TMEM132B: variants seen among roughly 807,000 people sequenced by gnomAD.
The protein encoded by TMEM132B is transmembrane protein 132B.
Under a neutral mutation model 90.8 loss-of-function variants are expected in TMEM132B, and 18 were observed. The ratio of observed to expected loss-of-function variants is 0.20; its 90% confidence interval spans 0.14 to 0.29. TMEM132B has a LOEUF of 0.29. TMEM132B is among the 10% of genes least tolerant of loss of function. The pLI is 1.00. For synonymous variants in TMEM132B, 504 were observed against 523.3 expected (o/e 0.96, Z 0.50); for missense variants, 1,096 against 1,326.8 (o/e 0.83, Z 2.70).
At chr12:125,300,351 A>G (rs944088441) in intron 1 of TMEM132B, among the ~76,000 whole-genome samples, 1 of 151,874 alleles carries the variant, frequency 6.6e-6, no homozygotes, top group African/African-American at 2.4e-5. Flanking sequence ...TGTTCTTTAT[A>G]TCCCTTGTTA....
Position 125,660,608 on chromosome 12 carries a change from C to T in TMEM132B, c.*5898C>T, listed in dbSNP as rs764427806. 1.3e-5 allele frequency: 2 copies of T among 152,094 alleles called. No homozygotes were observed. The highest frequency in any genetic ancestry group is 2.9e-5 in the Non-Finnish European group (2 of 68,010). The allele number at this position is 152,094 out of a possible 1,614,324, so 9.4% of individuals were successfully genotyped here. A position where few individuals can be genotyped will look rare whatever the true frequency, so the allele number is the denominator to read the frequency against. On this transcript the variant is annotated 3_prime_UTR_variant, in exon 9 of 9. Coordinates refer to ENST00000682704, the MANE Select transcript of TMEM132B (RefSeq NM_001366854.1). ...TGGGTTACTGTGTTTATAGACTATT[C>T]TATGACTCAAGACAACTAGGACACC...
intron 1 of TMEM132B, among the ~76,000 whole-genome samples, chr12:125,237,648 C>T (rs935194395): frequency 5.9e-5 from 9 of 152,196 alleles, no homozygotes; most frequent in African/African-American, 1.7e-4. Context: ...GGGGTTTCAC[C>T]GTGTTGGCTA....
chr12:125,626,538 T>G (rs1162741030), intron 5 of TMEM132B, among the ~76,000 whole-genome samples: 1 of 152,124 alleles, frequency 6.6e-6, no homozygotes, highest in East Asian at 1.9e-4. Flanking sequence ...TATTTCACCT[T>G]CATTTTTGAT....
chr12:125,655,028 C>T lies in TMEM132B; in HGVS notation c.*318C>T. On this transcript the variant is annotated 3_prime_UTR_variant, in exon 9 of 9. Transcript: ENST00000682704. ...TTGTTAGTCATCTCGTGACAAATGGCCATGTGGAATTAGAAAAGATTTGGG... is the reference window on the plus strand; with the variant it reads ...TTGTTAGTCATCTCGTGACAAATGGTCATGTGGAATTAGAAAAGATTTGGG... 4.0e-6 allele frequency: 1 copy of T among 247,740 alleles called. No homozygotes were observed. Among genetic ancestry groups the T allele is most frequent in the Non-Finnish European group, 7.8e-6 (1 of 128,818 alleles). 15.3% of individuals were successfully genotyped at this position (247,740 alleles called of 1,614,324 possible). A position where few individuals can be genotyped will look rare whatever the true frequency, so the allele number is the denominator to read the frequency against.
At position 125,246,914 on chromosome 12, in the gene TMEM132B, G is replaced by C. The variant is rs78923007; in HGVS notation, c.67+60048G>C. 8.7e-3 allele frequency among the ~76,000 whole-genome samples: 1,319 copies of C among 152,158 alleles called. 23 individuals carry two copies. Among genetic ancestry groups the C allele is most frequent in the African/African-American group, 0.03 (1,239 of 41,494 alleles). On this transcript the variant is annotated intron_variant, in intron 1 of 8. Transcript: ENST00000682704. This position sits in a 1 kb window ranked among gnomAD's most constrained non-coding sequence, Gnocchi z 4.2. ...CCCACCGGGAGAGCCTGGGGTTTGT[G>C]GGGGAGGTGGTGGGGGTAGGGGCAC...
At chr12:125,372,968 A>G (rs764105090) in intron 2 of TMEM132B, among the ~76,000 whole-genome samples, 1 of 152,152 alleles carries the variant, frequency 6.6e-6, no homozygotes, top group Non-Finnish European at 1.5e-5. Context: ...CTTGCCATTC[A>G]TGGCTTACCT....
chr12:125,439,996 C>A (rs1253965981), intron 3 of TMEM132B, among the ~76,000 whole-genome samples: 1 of 152,128 alleles, frequency 6.6e-6, no homozygotes, highest in South Asian at 2.1e-4. Flanking sequence ...GTTGAACCAA[C>A]CTTGCATCCT....
In TMEM132B at chr12:125,406,601, G is replaced by A. The variant is rs1879489204; in HGVS notation, c.960-8930G>A. Reference sequence around the variant, plus strand: ...TCTTTAAACGTCGGAGGACTGGGTGGATGATATGGGGTATAAAAATATTTC... The same window carrying A: ...TCTTTAAACGTCGGAGGACTGGGTGAATGATATGGGGTATAAAAATATTTC... On this transcript the variant is annotated intron_variant, in intron 2 of 8. Transcript: ENST00000682704. The surrounding 1 kb of genome is among the most constrained non-coding windows in gnomAD (Gnocchi z 8.3). Among the ~76,000 whole-genome samples the A allele has an allele frequency of 6.6e-6, 1 of 152,164 alleles. No individual in the cohort carries two copies. Among genetic ancestry groups the A allele is most frequent in the Admixed American group, 6.5e-5 (1 of 15,282 alleles).
intron 2 of TMEM132B, among the ~76,000 whole-genome samples, chr12:125,361,544 G>C (rs573888981): frequency 6.6e-6 from 1 of 152,306 alleles, no homozygotes; most frequent in South Asian, 2.1e-4. Context: ...CTTGAGGAAA[G>C]TGTGCAGAGA....
At chr12:125,262,914 G>T (rs1358703560) in intron 1 of TMEM132B, among the ~76,000 whole-genome samples, 2 of 152,208 alleles carry the variant, frequency 1.3e-5, no homozygotes, top group East Asian at 3.9e-4. Context: ...GACTATTGGG[G>T]AGCACCTTGC....
At chr12:125,507,537 C>T (rs1464013811) in intron 3 of TMEM132B, among the ~76,000 whole-genome samples, 1 of 151,968 alleles carries the variant, frequency 6.6e-6, no homozygotes, top group Non-Finnish European at 1.5e-5. Context: ...GTCCTGAAGG[C>T]GAGGCCAAGG....
At chr12:125,306,304 GCCTC>G (rs1266050356) in intron 1 of TMEM132B, among the ~76,000 whole-genome samples, 2 of 152,216 alleles carry the variant, frequency 1.3e-5, no homozygotes, top group Non-Finnish European at 2.9e-5. Flanking sequence ...AGCTCTTGGA[GCCTC>G]AGGTTTTAGC....
Position 125,492,275 on chromosome 12 carries a change from G to A in TMEM132B, c.1107-27164G>A, listed in dbSNP as rs111856726. Among the ~76,000 whole-genome samples, 390 of 152,294 alleles carry A rather than the reference G, an allele frequency of 2.6e-3. 1 individual carries two copies. Among genetic ancestry groups the A allele is most frequent in the African/African-American group, 8.8e-3 (366 of 41,550 alleles). On this transcript the variant is annotated intron_variant, in intron 3 of 8. Transcript: ENST00000682704. The surrounding 1 kb of genome is among the most constrained non-coding windows in gnomAD (Gnocchi z 5.8). ...CTGCCGTGGCAGCTCAGCCTTCCTC[G>A]TCTGTCTCTTGAAGTGACTGCTGCT... is the stretch of plus-strand genomic sequence containing the variant.
chr12:125,505,188 A>AG (rs1258979477), intron 3 of TMEM132B, among the ~76,000 whole-genome samples: 1 of 146,846 alleles, frequency 6.8e-6, no homozygotes, highest in Non-Finnish European at 1.5e-5. Flanking sequence ...AAAAAAAAAA[A>AG]AAAAAAACAG....
At chr12:125,286,802 T>C (rs7304045) in intron 1 of TMEM132B, among the ~76,000 whole-genome samples, 20,699 of 151,758 alleles carry the variant, frequency 0.14, 1,555 homozygotes, top group African/African-American at 0.2. Context: ...CTCCTGGGTT[T>C]AAGTGCTTCT....
chr12:125,538,229 T>C (rs1303648462), intron 4 of TMEM132B, among the ~76,000 whole-genome samples: 1 of 152,204 alleles, frequency 6.6e-6, no homozygotes, highest in Non-Finnish European at 1.5e-5. Flanking sequence ...TGGAGAGAGT[T>C]TATTTATGAT....
At chr12:125,378,291 G>T (rs750859181) in intron 2 of TMEM132B, among the ~76,000 whole-genome samples, 1 of 152,200 alleles carries the variant, frequency 6.6e-6, no homozygotes, top group Non-Finnish European at 1.5e-5. Flanking sequence ...CAGGAAGACT[G>T]GTTCAGATCC....
At chr12:125,215,187 G>A (rs1287220297) in intron 1 of TMEM132B, among the ~76,000 whole-genome samples, 3 of 152,170 alleles carry the variant, frequency 2.0e-5, no homozygotes, top group African/African-American at 7.2e-5. Flanking sequence ...TCTTTTTCCT[G>A]CCAGGATTTC....
chr12:125,404,100 A>T, intron 2 of TMEM132B, among the ~76,000 whole-genome samples: 1 of 152,278 alleles, frequency 6.6e-6, no homozygotes, highest in Non-Finnish European at 1.5e-5. Flanking sequence ...ATGGAACTGG[A>T]GGTAACATTT....
Sources: allele counts gnomAD v4.1 joint callset (sites outside exome capture counted in the v4.1 genomes callset), GRCh38; gene constraint gnomAD v4.1.1; non-coding constraint Gnocchi (gnomAD v3.1); transcripts MANE v1.5; gene names NCBI Gene and HGNC (gene_info 2026-07-23, HGNC 2026-07-21).